The following PRDM16 variants were observed in gnomAD, a reference collection of about 807,000 sequenced individuals.
PRDM16 encodes PR/SET domain 16.
In PRDM16, 23 loss-of-function variants were observed where a neutral mutation model predicts 110.6. The observed-to-expected ratio is 0.21, with a 90% CI of 0.15 to 0.29. PRDM16 has a LOEUF of 0.29. PRDM16 is among the 10% of genes least tolerant of loss of function. The pLI is 1.00. For missense variants in PRDM16, 1,615 were observed against 1,794.3 expected, an observed-to-expected ratio of 0.90 and a Z score of 1.81; for synonymous variants, 799 against 781.8, an observed-to-expected ratio of 1.02 and a Z score of -0.37.
In PRDM16 at chr1:3,363,948, G is replaced by A. The variant is rs1015361472; in HGVS notation, c.439-21204G>A. Among the ~76,000 whole-genome samples, 49 of 151,772 alleles carry A rather than the reference G, an allele frequency of 3.2e-4. 1 individual carries two copies. Among genetic ancestry groups the A allele is most frequent in the Admixed American group, 3.1e-3 (47 of 15,262 alleles). ...CGCTACGCACACCTCAGCCCTTCAT[G>A]AGTTAAAGGCAGCGCCCCCCGCCCC... On this transcript the variant is annotated intron_variant, in intron 3 of 16. Coordinates refer to ENST00000270722, the MANE Select transcript of PRDM16 (RefSeq NM_022114.4).
intron 10 of PRDM16, among the ~76,000 whole-genome samples, chr1:3,416,543 G>A (rs983803155): frequency 6.6e-6 from 1 of 152,158 alleles, no homozygotes; most frequent in African/African-American, 2.4e-5. Context: ...GGGTGCCAAG[G>A]ACCGGCACCC....
intron 3 of PRDM16, among the ~76,000 whole-genome samples, chr1:3,361,400 C>G (rs1642711024): frequency 6.6e-6 from 1 of 152,232 alleles, no homozygotes; most frequent in African/African-American, 2.4e-5. Context: ...GCTGCCCCCT[C>G]CCTCACAGCC....
intron 2 of PRDM16, among the ~76,000 whole-genome samples, chr1:3,189,786 A>C (rs74811618): frequency 0.059 from 8,981 of 152,220 alleles, 420 homozygotes; most frequent in African/African-American, 0.13. Context: ...GAGTGGCGTG[A>C]GCAAAGGGAT....
chr1:3,097,079 G>A (rs925007940), intron 1 of PRDM16, among the ~76,000 whole-genome samples: 5 of 152,162 alleles, frequency 3.3e-5, no homozygotes, highest in Admixed American at 1.3e-4. Context: ...GCTGGGGTCA[G>A]ACAGCGCTTC....
intron 1 of PRDM16, among the ~76,000 whole-genome samples, chr1:3,140,686 C>A (rs953482225): frequency 1.3e-5 from 2 of 152,226 alleles, no homozygotes; most frequent in African/African-American, 4.8e-5. Context: ...TCCTAGAAGG[C>A]GTATGGGGGG....
chr1:3,097,254 C>T (rs926834466), intron 1 of PRDM16, among the ~76,000 whole-genome samples: 1 of 152,204 alleles, frequency 6.6e-6, no homozygotes, highest in African/African-American at 2.4e-5. Flanking sequence ...ATCTGTTGTC[C>T]GTGTGACCTG....
chr1:3,288,698 G>C (rs1640909893), intron 3 of PRDM16, among the ~76,000 whole-genome samples: 1 of 152,164 alleles, frequency 6.6e-6, no homozygotes, highest in African/African-American at 2.4e-5. Flanking sequence ...AGATAAGAGA[G>C]ACCCAAGTCC....
intron 3 of PRDM16, among the ~76,000 whole-genome samples, chr1:3,262,671 C>T (rs1256800158): frequency 6.6e-6 from 1 of 152,198 alleles, no homozygotes; most frequent in East Asian, 1.9e-4. Context: ...AGAGAAAAAT[C>T]CCACAGGACA....
At chr1:3,351,856 A>G (rs1159550182) in intron 3 of PRDM16, among the ~76,000 whole-genome samples, 1 of 148,814 alleles carries the variant, frequency 6.7e-6, no homozygotes, top group Non-Finnish European at 1.5e-5. Flanking sequence ...CCCCTTGAGA[A>G]CTCACACACT....
At position 3,417,896 on chromosome 1, in the gene PRDM16, C is replaced by T. The variant is rs772095081; in HGVS notation, c.2760C>T (p.Ser920=). The T allele has an allele frequency of 6.2e-7, 1 of 1,613,506 alleles. No individual in the cohort carries two copies. Among genetic ancestry groups the T allele is most frequent in the Non-Finnish European group, 8.5e-7 (1 of 1,179,680 alleles). Residue 920 remains serine (S), a synonymous_variant, in exon 11 of 17, where the codon AGC becomes AGT. Coordinates refer to ENST00000270722, the MANE Select transcript of PRDM16 (RefSeq NM_022114.4). ...SFAAMKADSG[S]SLQPLPHHPF... is the part of the protein sequence containing the mutation. ...CAGCCATGAAGGCGGACTCGGGCAG[C>T]TCCCTGCAGCCCCTCCCCCACCACC...
intron 3 of PRDM16, among the ~76,000 whole-genome samples, chr1:3,336,016 T>G (rs1642138388): frequency 6.6e-6 from 1 of 152,228 alleles, no homozygotes; most frequent in Non-Finnish European, 1.5e-5. Flanking sequence ...GAGGAGGCTG[T>G]GACGTCTCGA....
In PRDM16 at chr1:3,435,593, C is replaced by T. The variant is rs541672969; in HGVS notation, c.*1782C>T. 1.2e-4 allele frequency: 27 copies of T among 230,100 alleles called. No homozygotes were observed. The South Asian group carries it at 4.6e-3, about 39-fold the overall frequency. 14.3% of individuals were successfully genotyped at this position (230,100 alleles called of 1,614,324 possible). A position where few individuals can be genotyped will look rare whatever the true frequency, so the allele number is the denominator to read the frequency against. On this transcript the variant is annotated 3_prime_UTR_variant, in exon 17 of 17. Coordinates refer to ENST00000270722, the MANE Select transcript of PRDM16 (RefSeq NM_022114.4). ...AAGAGAAAAAAAATGCCCAAGTTGC[C>T]CTTTAAAAAAAAAGAGCGTAAATAC...
intron 1 of PRDM16, among the ~76,000 whole-genome samples, chr1:3,161,650 G>C (rs924974112): frequency 7.9e-5 from 12 of 152,238 alleles, no homozygotes; most frequent in African/African-American, 2.9e-4. Context: ...CCCGCCCGGC[G>C]CGGAGAGGCC....
chr1:3,259,144 G>A (rs554924535), intron 3 of PRDM16, among the ~76,000 whole-genome samples: 13 of 152,226 alleles, frequency 8.5e-5, no homozygotes, highest in African/African-American at 2.4e-4. Context: ...CAGTACCTCC[G>A]TCCCGGCCCT....
chr1:3,329,262 G>C (rs1331845336), intron 3 of PRDM16, among the ~76,000 whole-genome samples: 2 of 152,236 alleles, frequency 1.3e-5, no homozygotes, highest in Non-Finnish European at 2.9e-5. Context: ...GATGGTGCTA[G>C]GGCAGGAGGC....
chr1:3,179,937 G>T (rs1013163153), intron 1 of PRDM16, among the ~76,000 whole-genome samples: 3 of 152,086 alleles, frequency 2.0e-5, no homozygotes, highest in African/African-American at 7.2e-5. Flanking sequence ...CACCGGATTT[G>T]TTTGCTCCAT....
At chr1:3,084,466 C>T (rs978675232) in intron 1 of PRDM16, among the ~76,000 whole-genome samples, 1 of 152,202 alleles carries the variant, frequency 6.6e-6, no homozygotes, top group East Asian at 1.9e-4. Flanking sequence ...TATCTGCCCC[C>T]CTGGGAGGCA....
intron 3 of PRDM16, among the ~76,000 whole-genome samples, chr1:3,284,601 G>A (rs1557581084): frequency 6.6e-6 from 1 of 152,232 alleles, no homozygotes; most frequent in East Asian, 1.9e-4. Context: ...GGGGCGGCCA[G>A]GGGGAGCCCC....
intron 3 of PRDM16, among the ~76,000 whole-genome samples, chr1:3,268,621 C>G (rs750611148): frequency 2.0e-5 from 3 of 152,224 alleles, no homozygotes; most frequent in Non-Finnish European, 2.9e-5. Flanking sequence ...TCACTCTCAG[C>G]AGAAACCACA....
Sources: allele counts gnomAD v4.1 joint callset (sites outside exome capture counted in the v4.1 genomes callset), GRCh38; gene constraint gnomAD v4.1.1; transcripts MANE v1.5; gene names NCBI Gene and HGNC (gene_info 2026-07-23, HGNC 2026-07-21).